Variants in AFTPH observed in about 807,000 individuals in gnomAD.
The protein encoded by AFTPH is aftiphilin, also known as aftiphilin protein.
Under a neutral mutation model 72.5 loss-of-function variants are expected in AFTPH, and 7 were observed. The observed-to-expected ratio is 0.10, with a 90% CI of 0.05 to 0.18. The LOEUF (loss-of-function observed/expected upper bound fraction) is 0.18, where lower values mean the gene tolerates loss of function less well. Ranked by LOEUF, AFTPH falls within the 10% of genes least tolerant of loss-of-function variation. The pLI, the probability that AFTPH is intolerant of heterozygous loss-of-function variation, is 1.00. For missense variants in AFTPH, 979 were observed against 1,060.5 expected, an observed-to-expected ratio of 0.92 and a Z score of 1.07; for synonymous variants, 337 against 370.1, an observed-to-expected ratio of 0.91 and a Z score of 1.03.
chr2:64,584,040 A>C (rs1404314907), intron 7 of AFTPH, among the ~76,000 whole-genome samples: 1 of 151,978 alleles, frequency 6.6e-6, no homozygotes, highest in Non-Finnish European at 1.5e-5. Context: ...CTTACAGGGC[A>C]TTTTTTTAAA....
At position 64,569,692 on chromosome 2, in the gene AFTPH, A is replaced by G; in HGVS notation, c.2271+13A>G. On this transcript the variant is annotated intron_variant, in intron 5 of 8. Coordinates refer to ENST00000238856, the Ensembl canonical transcript of AFTPH. ...TGCAGCAGGATTGGTAAGTACAAAAATCTCTCTGCATGTATTTATCATTAC... is the reference window on the plus strand; with the variant it reads ...TGCAGCAGGATTGGTAAGTACAAAAGTCTCTCTGCATGTATTTATCATTAC... 1 of 1,611,338 alleles carries G rather than the reference A, an allele frequency of 6.2e-7. No individual in the cohort carries two copies. The highest frequency in any genetic ancestry group is 8.5e-7 in the Non-Finnish European group (1 of 1,177,680).
chr2:64,555,950 G>C (rs1450553828), intron 2 of AFTPH, among the ~76,000 whole-genome samples: 2 of 149,586 alleles, frequency 1.3e-5, no homozygotes, highest in African/African-American at 5.0e-5. Flanking sequence ...GTTTTCCCTA[G>C]TTGCTCCGGA....
At chr2:64,538,692 A>G (rs532309155) in intron 1 of AFTPH, among the ~76,000 whole-genome samples, 4 of 152,216 alleles carry the variant, frequency 2.6e-5, no homozygotes, top group Non-Finnish European at 5.9e-5. Flanking sequence ...AGTAAAATTA[A>G]TAGCACCTGG....
At chr2:64,561,772 G>A (rs1383002642) in intron 2 of AFTPH, among the ~76,000 whole-genome samples, 1 of 152,186 alleles carries the variant, frequency 6.6e-6, no homozygotes, top group Non-Finnish European at 1.5e-5. Context: ...TATGCTAAGT[G>A]TGCATTTATT....
chr2:64,535,166 A>G (rs977638260), intron 1 of AFTPH, among the ~76,000 whole-genome samples: 1 of 152,222 alleles, frequency 6.6e-6, no homozygotes, highest in Admixed American at 6.5e-5. Flanking sequence ...ACCTATATCA[A>G]TGAGTTTAGC....
intron 2 of AFTPH, among the ~76,000 whole-genome samples, chr2:64,554,321 C>G (rs1671232345): frequency 6.6e-6 from 1 of 152,166 alleles, no homozygotes; most frequent in East Asian, 1.9e-4. Context: ...CTGTGCTAAA[C>G]TTTACCTTTT....
intron 3 of AFTPH, among the ~76,000 whole-genome samples, chr2:64,568,666 C>T (rs1672238398): frequency 6.6e-6 from 1 of 152,164 alleles, no homozygotes; most frequent in African/African-American, 2.4e-5. Flanking sequence ...GTTGCCCAGG[C>T]TGGAGTGATC....
At chr2:64,584,787 G>T (rs181782933) in intron 7 of AFTPH, among the ~76,000 whole-genome samples, 7 of 151,876 alleles carry the variant, frequency 4.6e-5, no homozygotes, top group Non-Finnish European at 8.8e-5. Flanking sequence ...TAGTAGAGAC[G>T]GGGTTTCACC....
chr2:64,561,684 GAA>G (rs1012265414), intron 2 of AFTPH, among the ~76,000 whole-genome samples: 1 of 148,798 alleles, frequency 6.7e-6, no homozygotes, highest in Non-Finnish European at 1.5e-5. Flanking sequence ...CTCTTAAAAA[GAA>G]AAAAAAAATC....
chr2:64,548,401 A>G (rs1204377966), intron 1 of AFTPH, among the ~76,000 whole-genome samples: 1 of 140,454 alleles, frequency 7.1e-6, no homozygotes, highest in Middle Eastern at 3.2e-3. Flanking sequence ...CTCCGTCTCA[A>G]AAAAAGAAAA....
chr2:64,534,499 C>G (rs1669784779), intron 1 of AFTPH, among the ~76,000 whole-genome samples: 1 of 152,154 alleles, frequency 6.6e-6, no homozygotes, highest in African/African-American at 2.4e-5. Context: ...ACCACTTCCT[C>G]TTCTTTTCCA....
At chr2:64,572,663 G>T (rs1290084904) in intron 5 of AFTPH, among the ~76,000 whole-genome samples, 1 of 152,054 alleles carries the variant, frequency 6.6e-6, no homozygotes, top group Non-Finnish European at 1.5e-5. Context: ...TTGTGAAATG[G>T]TTCTCATTAT....
chr2:64,531,520 C>T (rs966644673), intron 1 of AFTPH, among the ~76,000 whole-genome samples: 1 of 152,126 alleles, frequency 6.6e-6, no homozygotes, highest in Non-Finnish European at 1.5e-5. Flanking sequence ...ATTAATCTTG[C>T]TTAATGCCAT....
chr2:64,528,975 A>G (rs1257112349), intron 1 of AFTPH, among the ~76,000 whole-genome samples: 1 of 152,124 alleles, frequency 6.6e-6, no homozygotes, highest in Non-Finnish European at 1.5e-5. Flanking sequence ...GTCAGGAGAG[A>G]ATTGTGCTGG....
At chr2:64,570,923 C>G (rs867371409) in intron 5 of AFTPH, among the ~76,000 whole-genome samples, 3 of 132,378 alleles carry the variant, frequency 2.3e-5, no homozygotes, top group African/African-American at 8.1e-5. Context: ...CCTCCCCCCC[C>G]CCCCCACCTT....
chr2:64,565,474 C>CAAAAAAAA (rs11447048), intron 2 of AFTPH, among the ~76,000 whole-genome samples: 1 of 88,168 alleles, frequency 1.1e-5, no homozygotes, highest in African/African-American at 3.9e-5. Flanking sequence ...GACTCTATCT[C>CAAAAAAAA]AAAAAAAAAA....
intron 8 of AFTPH, among the ~76,000 whole-genome samples, chr2:64,586,452 C>T (rs1366246472): frequency 6.6e-6 from 1 of 152,200 alleles, no homozygotes; most frequent in Admixed American, 6.5e-5. Flanking sequence ...TATAGAAAGA[C>T]ATCCATTTAA....
At chr2:64,554,064 G>T (rs544810524) in intron 2 of AFTPH, among the ~76,000 whole-genome samples, 3 of 152,148 alleles carry the variant, frequency 2.0e-5, no homozygotes, top group Non-Finnish European at 4.4e-5. Context: ...CCTAAAATAA[G>T]AAATAACTAT....
chr2:64,535,109 C>T (rs1020630405), intron 1 of AFTPH, among the ~76,000 whole-genome samples: 1 of 152,104 alleles, frequency 6.6e-6, no homozygotes, highest in Non-Finnish European at 1.5e-5. Flanking sequence ...ACAACCAAAT[C>T]ATAAGAGAAA....
Sources: gnomAD v4.1 joint callset for allele counts (sites outside exome capture counted in the v4.1 genomes callset) on GRCh38, gnomAD v4.1.1 for gene constraint, MANE v1.5 for transcripts, NCBI Gene and HGNC (gene_info 2026-07-23, HGNC 2026-07-21) for gene names.